The following PTBP3 variants were observed in gnomAD, a reference collection of about 807,000 sequenced individuals.
The protein encoded by PTBP3 is polypyrimidine tract-binding protein 3.
Under a neutral mutation model 58.7 loss-of-function variants are expected in PTBP3, and 20 were observed. That is an observed-to-expected ratio of 0.34 (90% CI 0.24 to 0.50). PTBP3 has a LOEUF of 0.50. Among genes scored for constraint, PTBP3 ranks in the 20% least tolerant of loss-of-function variants. PTBP3 has a pLI of 0.98. For missense variants in PTBP3, 509 were observed against 637.2 expected (o/e 0.80, Z 2.17); for synonymous variants, 185 against 219.8 (o/e 0.84, Z 1.40).
At chr9:112,298,217 G>A (rs1394012096) in intron 1 of PTBP3, among the ~76,000 whole-genome samples, 2 of 152,150 alleles carry the variant, frequency 1.3e-5, no homozygotes, top group East Asian at 1.9e-4. Context: ...TTAGGGGGTT[G>A]CATTATGACA....
chr9:112,306,680 TA>T (rs796876155), intron 1 of PTBP3, among the ~76,000 whole-genome samples: 9 of 151,918 alleles, frequency 5.9e-5, no homozygotes, highest in African/African-American at 2.2e-4. Context: ...GCAGTGGCGC[TA>T]CTGGGTTCAC....
At chr9:112,304,768 T>C (rs1829098032) in intron 1 of PTBP3, among the ~76,000 whole-genome samples, 2 of 152,172 alleles carry the variant, frequency 1.3e-5, no homozygotes, top group Non-Finnish European at 2.9e-5. Context: ...ATTTTTTTTA[T>C]TATACTTTAC....
chr9:112,229,704 A>T (rs1835127338), intron 10 of PTBP3, among the ~76,000 whole-genome samples: 1 of 152,204 alleles, frequency 6.6e-6, no homozygotes, highest in African/African-American at 2.4e-5. Flanking sequence ...ATTCTTTAAA[A>T]ACTAAACATA....
intron 7 of PTBP3, among the ~76,000 whole-genome samples, chr9:112,243,205 G>C (rs1460896521): frequency 1.3e-5 from 2 of 149,962 alleles, no homozygotes; most frequent in African/African-American, 4.9e-5. Flanking sequence ...ATTAATTTTA[G>C]AAGTTTGGTC....
the PTBP3 span, among the ~76,000 whole-genome samples, chr9:112,364,210 A>C: frequency 1.0e-5 from 1 of 98,974 alleles, no homozygotes; most frequent in Non-Finnish European, 1.9e-5. Context: ...TTTTTTTGAG[A>C]CAGGGTCTCA....
At chr9:112,263,740 A>G (rs1166715138) in intron 4 of PTBP3, among the ~76,000 whole-genome samples, 1 of 152,242 alleles carries the variant, frequency 6.6e-6, no homozygotes, top group African/African-American at 2.4e-5. Context: ...TTATGTATCA[A>G]TGATAACTTG....
chr9:112,278,408 T>C (rs1485077327), intron 2 of PTBP3, among the ~76,000 whole-genome samples: 2 of 152,136 alleles, frequency 1.3e-5, no homozygotes, highest in Non-Finnish European at 1.5e-5. Flanking sequence ...TCAACCAGCA[T>C]AAGGAGTTAC....
intron 3 of PTBP3, among the ~76,000 whole-genome samples, chr9:112,274,242 T>A (rs945030873): frequency 6.6e-6 from 1 of 152,230 alleles, no homozygotes; most frequent in Non-Finnish European, 1.5e-5. Flanking sequence ...TTACTAAATA[T>A]AGGGAACTCA....
intron 7 of PTBP3, chr9:112,242,757 A>C (rs1835710735): frequency 5.9e-5 from 9 of 152,200 alleles, no homozygotes; most frequent in Admixed American, 5.9e-4. Context: ...ATCAGCACGG[A>C]GCACTATAGC....
the PTBP3 span, among the ~76,000 whole-genome samples, chr9:112,348,241 G>A: frequency 6.6e-6 from 1 of 152,242 alleles, no homozygotes; most frequent in Non-Finnish European, 1.5e-5. Flanking sequence ...CAGATGGTCA[G>A]GCAGTTGGTA....
chr9:112,277,586 G>A (rs7860429), intron 2 of PTBP3, among the ~76,000 whole-genome samples: 127,439 of 151,624 alleles, frequency 0.84, 53,846 homozygotes, highest in African/African-American at 0.92. Context: ...GCCCGGCACA[G>A]TGATTCACGC....
rs1017791747 is a variant in PTBP3 at position 112,308,370 on chromosome 9, A to C, written c.-51-10454T>G. Reference sequence around the variant, plus strand: ...TTTATTTAAAAAAAAAAAAAAAAAAAAAAAAAAAAAACTTTTCTTTCCTAG... The same window carrying C: ...TTTATTTAAAAAAAAAAAAAAAAAACAAAAAAAAAAACTTTTCTTTCCTAG... On this transcript the variant is annotated intron_variant, in intron 1 of 13. Coordinates refer to ENST00000374257, the MANE Select transcript of PTBP3 (RefSeq NM_001163788.4). Among the ~76,000 whole-genome samples, 20 of 151,926 alleles carry C rather than the reference A, an allele frequency of 1.3e-4. 1 individual carries two copies. The highest frequency in any genetic ancestry group is 2.6e-4 in the Admixed American group (4 of 15,246).
chr9:112,369,066 T>C, the PTBP3 span, among the ~76,000 whole-genome samples: 1 of 152,200 alleles, frequency 6.6e-6, no homozygotes, highest in Non-Finnish European at 1.5e-5. Context: ...AACCTCCACC[T>C]AGATTTCACA....
Position 112,227,071 on chromosome 9 carries a change from G to A in PTBP3, c.1364+340C>T, listed in dbSNP as rs187917355. ...ATACACAATTTGATTTTGTCATATTGGTTAACGTAAGAGTCATTACTTCTA... is the reference window on the plus strand; with the variant it reads ...ATACACAATTTGATTTTGTCATATTAGTTAACGTAAGAGTCATTACTTCTA... On this transcript the variant is annotated intron_variant, in intron 12 of 13. Transcript: ENST00000374257. Among the ~76,000 whole-genome samples, 200 of 152,178 alleles carry A rather than the reference G, an allele frequency of 1.3e-3. 2 individuals carry two copies. The highest frequency in any genetic ancestry group is 7.1e-4 in the Non-Finnish European group (48 of 68,012).
intron 2 of PTBP3, among the ~76,000 whole-genome samples, chr9:112,293,773 T>G (rs1198958773): frequency 6.6e-6 from 1 of 152,178 alleles, no homozygotes; most frequent in East Asian, 1.9e-4. Flanking sequence ...TTACCCTTCC[T>G]GTGGGTATGA....
intron 1 of PTBP3, among the ~76,000 whole-genome samples, chr9:112,307,223 T>TG (rs1276580685): frequency 6.6e-6 from 1 of 151,934 alleles, no homozygotes; most frequent in Non-Finnish European, 1.5e-5. Flanking sequence ...GAGGCCAAGG[T>TG]GGGGGGATCA....
chr9:112,335,788 G>C (rs1264775557), upstream of PTBP3, among the ~76,000 whole-genome samples: 6 of 147,516 alleles, frequency 4.1e-5, no homozygotes, highest in South Asian at 2.1e-4. Context: ...AGTCTGGCTT[G>C]GTGGTGCACG....
At chr9:112,228,181 C>A (rs1055746978) in intron 11 of PTBP3, among the ~76,000 whole-genome samples, 199 bp downstream of exon 11, 2 of 152,102 alleles carry the variant, frequency 1.3e-5, no homozygotes, top group African/African-American at 4.8e-5. Context: ...TTCACGTAGA[C>A]AAATGAACTT....
intron 1 of PTBP3, among the ~76,000 whole-genome samples, chr9:112,300,226 G>A (rs914991769): frequency 6.7e-6 from 1 of 150,198 alleles, no homozygotes; most frequent in Middle Eastern, 3.2e-3. Flanking sequence ...AATATCCTAG[G>A]ATCCTTACAT....
Sources: gnomAD v4.1 joint callset for allele counts (sites outside exome capture counted in the v4.1 genomes callset) on GRCh38, gnomAD v4.1.1 for gene constraint, MANE v1.5 for transcripts, NCBI Gene and HGNC (gene_info 2026-07-23, HGNC 2026-07-21) for gene names.